LRMDA: variants seen among roughly 807,000 people sequenced by gnomAD.
LRMDA encodes leucine rich melanocyte differentiation associated.
Under a neutral mutation model 29.8 loss-of-function variants are expected in LRMDA, and 18 were observed. The ratio of observed to expected loss-of-function variants is 0.60; its 90% CI spans 0.42 to 0.90. The LOEUF is 0.90. Ranked by LOEUF, LRMDA falls within the 40% of genes least tolerant of loss-of-function variation. The pLI is 0.00. For synonymous variants in LRMDA, 125 were observed against 109.4 expected (o/e 1.14, Z -0.89); for missense variants, 273 against 273.9 (o/e 1.00, Z 0.02).
At chr10:76,275,598 CT>C (rs1840121398) in intron 5 of LRMDA, among the ~76,000 whole-genome samples, 1 of 152,064 alleles carries the variant, frequency 6.6e-6, no homozygotes, top group Non-Finnish European at 1.5e-5. Context: ...GACCCCTCTG[CT>C]CTTTGATCTT....
chr10:76,520,123 T>C (rs1843103634), intron 6 of LRMDA, among the ~76,000 whole-genome samples: 1 of 152,172 alleles, frequency 6.6e-6, no homozygotes, highest in Non-Finnish European at 1.5e-5. Context: ...TGGTTAGGAT[T>C]GCAAATTCAT....
chr10:75,994,068 TTGTC>T (rs1404772066), intron 2 of LRMDA, among the ~76,000 whole-genome samples: 6 of 152,244 alleles, frequency 3.9e-5, no homozygotes, highest in Non-Finnish European at 8.8e-5. Context: ...TATCTATTCT[TTGTC>T]TGTCATGAAC....
chr10:75,863,476 C>T (rs1438444903), intron 2 of LRMDA, among the ~76,000 whole-genome samples: 4 of 152,138 alleles, frequency 2.6e-5, no homozygotes, highest in Non-Finnish European at 5.9e-5. Context: ...GTAAATGGTG[C>T]AGACTTTGGA....
At chr10:76,049,386 C>G (rs1163111813) in intron 4 of LRMDA, among the ~76,000 whole-genome samples, 1 of 152,242 alleles carries the variant, frequency 6.6e-6, no homozygotes, top group African/African-American at 2.4e-5. Context: ...TGCTTGCACT[C>G]TGAGAGAATC....
chr10:75,954,280 G>C (rs943353887), intron 2 of LRMDA, among the ~76,000 whole-genome samples: 1 of 152,168 alleles, frequency 6.6e-6, no homozygotes, highest in Admixed American at 6.5e-5. Context: ...CTGAGGGGTG[G>C]AGCAGTTGTG....
At chr10:76,263,219 G>GT (rs1839965094) in intron 5 of LRMDA, among the ~76,000 whole-genome samples, 1 of 152,000 alleles carries the variant, frequency 6.6e-6, no homozygotes, top group South Asian at 2.1e-4. Context: ...CTGATGAAGT[G>GT]TTTCAATATG....
chr10:75,526,441 G>A lies in LRMDA; in HGVS notation c.131+87947G>A, dbSNP rs186244246. ...GGTGAGAATGACAGATGAAACCCAC[G>A]AATCTTTTGTTTCCCTGCAAACCCT... On this transcript the variant is annotated intron_variant, in intron 2 of 6. Coordinates refer to ENST00000611255, the MANE Select transcript of LRMDA (RefSeq NM_001305581.2). Among the ~76,000 whole-genome samples the A allele has an allele frequency of 3.9e-3, 593 of 152,114 alleles. 7 individuals carry two copies. Among genetic ancestry groups the A allele is most frequent in the African/African-American group, 0.014 (568 of 41,476 alleles).
At chr10:75,964,208 G>A (rs1846817689) in intron 2 of LRMDA, among the ~76,000 whole-genome samples, 1 of 152,122 alleles carries the variant, frequency 6.6e-6, no homozygotes. Context: ...GTAGCCCTGT[G>A]TTCATTATTT....
intron 6 of LRMDA, among the ~76,000 whole-genome samples, chr10:76,373,164 A>G (rs142289713): frequency 1.0e-3 from 155 of 152,242 alleles, no homozygotes; most frequent in Non-Finnish European, 1.9e-3. Flanking sequence ...GCTGCTGTAG[A>G]TGGTTGCTGG....
At chr10:76,539,092 A>G (rs1843324435) in intron 6 of LRMDA, among the ~76,000 whole-genome samples, 1 of 152,314 alleles carries the variant, frequency 6.6e-6, no homozygotes, top group Admixed American at 6.5e-5. Context: ...ACATCCTAAT[A>G]TGTATTAACT....
At chr10:75,727,136 C>T (rs553997537) in intron 2 of LRMDA, among the ~76,000 whole-genome samples, 2 of 152,236 alleles carry the variant, frequency 1.3e-5, no homozygotes, top group South Asian at 2.1e-4. Flanking sequence ...ATGTCCCTGG[C>T]GTTCGGGTTC....
Position 75,717,113 on chromosome 10 carries a change from T to C in LRMDA, c.131+278619T>C, listed in dbSNP as rs184028063. On this transcript the variant is annotated intron_variant, in intron 2 of 6. Coordinates refer to ENST00000611255, the MANE Select transcript of LRMDA (RefSeq NM_001305581.2). ...TCAGATCCTTACAGGGCTTCCTGGA[T>C]TGTGAGGTCTGGGCTAAGGGAAATT... 2.8e-3 allele frequency among the ~76,000 whole-genome samples: 432 copies of C among 152,192 alleles called. 1 individual carries two copies. Among genetic ancestry groups the C allele is most frequent in the Non-Finnish European group, 4.4e-3 (299 of 68,000 alleles).
chr10:75,674,268 C>G (rs918098627), intron 2 of LRMDA, among the ~76,000 whole-genome samples: 2 of 152,120 alleles, frequency 1.3e-5, no homozygotes, highest in Non-Finnish European at 2.9e-5. Context: ...ATAAGTTTAA[C>G]AGGGAGCAGA....
chr10:76,296,221 C>T (rs1459135608), intron 5 of LRMDA, among the ~76,000 whole-genome samples: 1 of 152,146 alleles, frequency 6.6e-6, no homozygotes, highest in Non-Finnish European at 1.5e-5. Context: ...TCAAATAAGC[C>T]TAGTTTGCTT....
intron 2 of LRMDA, 66 bp downstream of exon 2, chr10:75,438,560 C>A: frequency 3.1e-6 from 4 of 1,272,760 alleles, no homozygotes; most frequent in African/African-American, 1.5e-5. Flanking sequence ...ACTTTAGGGC[C>A]AAGCAGATAA....
chr10:75,951,973 C>T (rs930814741), intron 2 of LRMDA, among the ~76,000 whole-genome samples: 10 of 152,126 alleles, frequency 6.6e-5, no homozygotes, highest in African/African-American at 2.4e-4. Flanking sequence ...GAAAGGAGGG[C>T]CTTTTAATAA....
intron 2 of LRMDA, among the ~76,000 whole-genome samples, chr10:75,906,777 G>T (rs940468137): frequency 6.6e-6 from 1 of 152,260 alleles, no homozygotes; most frequent in Non-Finnish European, 1.5e-5. Context: ...CCGAAACAAG[G>T]CAGTTTATTT....
In LRMDA at chr10:75,916,193, T is replaced by TGTGTGGGTGTGTGG. The variant is rs72087365; in HGVS notation, c.132-119812_132-119811insTGGGTGTGTGGGTG. ...GTGTGTGTGTGTGTGTGTGTGTGTGTGTGGGTGGGTGTGCATGTGTGTATA... is the reference window on the plus strand; with the variant it reads ...GTGTGTGTGTGTGTGTGTGTGTGTGTGTGTGGGTGTGTGGGTGGGTGGGTGTGCATGTGTGTATA... On this transcript the variant is annotated intron_variant, in intron 2 of 6. Coordinates refer to ENST00000611255, the MANE Select transcript of LRMDA (RefSeq NM_001305581.2). 7.8e-5 allele frequency among the ~76,000 whole-genome samples: 11 copies of TGTGTGGGTGTGTGG among 140,154 alleles called. No homozygotes were observed. The East Asian group carries it at 2.3e-3, about 29-fold the overall frequency. 91.9% of individuals were successfully genotyped at this position (140,154 alleles called of 152,430 possible). A position where few individuals can be genotyped will look rare whatever the true frequency, so the allele number is the denominator to read the frequency against.
chr10:76,304,844 G>A (rs565841413), intron 5 of LRMDA, among the ~76,000 whole-genome samples: 6 of 152,228 alleles, frequency 3.9e-5, no homozygotes, highest in African/African-American at 1.4e-4. Flanking sequence ...AGCAGGATGG[G>A]GCACAGTGCC....
Sources: gnomAD v4.1 joint callset for allele counts (sites outside exome capture counted in the v4.1 genomes callset) on GRCh38, gnomAD v4.1.1 for gene constraint, MANE v1.5 for transcripts, NCBI Gene and HGNC (gene_info 2026-07-23, HGNC 2026-07-21) for gene names.